The following CBFA2T3 variants were observed in gnomAD, a reference collection of about 807,000 sequenced individuals.
CBFA2T3 encodes CBFA2/RUNX1 partner transcriptional co-repressor 3, also known as transcriptional corepressor CBFA2T3.
Under a neutral mutation model 58.6 loss-of-function variants are expected in CBFA2T3, and 31 were observed. The ratio of observed to expected loss-of-function variants is 0.53; its 90% CI spans 0.40 to 0.71. CBFA2T3 has a LOEUF of 0.71. Ranked by LOEUF, CBFA2T3 falls within the 30% of genes least tolerant of loss-of-function variation. The probability of loss-of-function intolerance (pLI) is 0.00; values close to 1 mark genes in which losing one functional copy is unlikely to be tolerated. For synonymous variants in CBFA2T3, 531 were observed against 421.9 expected, an observed-to-expected ratio of 1.26 and a Z score of -3.17; for missense variants, 1,076 against 963.1, an observed-to-expected ratio of 1.12 and a Z score of -1.55.
intron 1 of CBFA2T3, among the ~76,000 whole-genome samples, chr16:88,905,133 G>T (rs1285565585): frequency 6.6e-6 from 1 of 152,126 alleles, no homozygotes; most frequent in Non-Finnish European, 1.5e-5. Context: ...GGAAGGAGGG[G>T]GGTGGGGGAG....
chr16:88,879,251 CGTGGCCGG>C lies in CBFA2T3; in HGVS notation c.1662+11_1662+18del. The C allele has an allele frequency of 1.9e-6, 3 of 1,573,656 alleles. No individual in the cohort carries two copies. Among genetic ancestry groups the C allele is most frequent in the Non-Finnish European group, 2.6e-6 (3 of 1,157,826 alleles). ...AGCCGAGGCAGGGGATGGGTGTCAG[CGTGGCCGG>C]GTGGCCCTACCTCGCTGGAGTCCTC... On this transcript the variant is annotated intron_variant, in intron 11 of 11. Coordinates refer to ENST00000268679, the MANE Select transcript of CBFA2T3 (RefSeq NM_005187.6).
At chr16:88,941,283 G>A (rs1267478742) in intron 1 of CBFA2T3, 17 of 580,626 alleles carry the variant, frequency 2.9e-5, no homozygotes, top group Non-Finnish European at 3.5e-5. Context: ...TCCGGCCTCC[G>A]CGGCCCGCGC....
intron 5 of CBFA2T3, among the ~76,000 whole-genome samples, chr16:88,891,419 G>C (rs573171774): frequency 6.6e-6 from 1 of 152,212 alleles, no homozygotes; most frequent in East Asian, 1.9e-4. Flanking sequence ...AGATTTGAGA[G>C]TGGCTGTGGA....
At chr16:88,906,855 A>G (rs1970355919) in intron 1 of CBFA2T3, among the ~76,000 whole-genome samples, 2 of 152,174 alleles carry the variant, frequency 1.3e-5, no homozygotes. Flanking sequence ...GCCAGCCTGG[A>G]CCCTGACTCA....
chr16:88,897,477 G>A (rs1216382948), intron 3 of CBFA2T3, among the ~76,000 whole-genome samples: 1 of 152,232 alleles, frequency 6.6e-6, no homozygotes, highest in Admixed American at 6.5e-5. Context: ...CATGCTCCCT[G>A]AACGCCCGCC....
intron 1 of CBFA2T3, among the ~76,000 whole-genome samples, chr16:88,965,920 C>G (rs1416253673): frequency 6.6e-6 from 1 of 152,236 alleles, no homozygotes; most frequent in Non-Finnish European, 1.5e-5. Context: ...TGCTTGGCAC[C>G]TGACAGGTCC....
In CBFA2T3 at chr16:88,975,185, T is replaced by TGCTCCTCACCTGC. The variant is rs1482557315; in HGVS notation, c.151+1471_151+1472insGCAGGTGAGGAGC. ...CCTGACCCTCTCTGCTCCACATCTT[T>TGCTCCTCACCTGC]AGCCATGTCAGAGGTCCACCCTGAC... On this transcript the variant is annotated intron_variant, in intron 1 of 11. Transcript: ENST00000268679. Among the ~76,000 whole-genome samples, 541 of 68,576 alleles carry TGCTCCTCACCTGC rather than the reference T, an allele frequency of 7.9e-3. 4 individuals carry two copies. The highest frequency in any genetic ancestry group is 0.017 in the South Asian group (44 of 2,524). 45.0% of individuals were successfully genotyped at this position (68,576 alleles called of 152,430 possible).
chr16:88,961,648 A>C (rs111782115), intron 1 of CBFA2T3, among the ~76,000 whole-genome samples: 8 of 76,106 alleles, frequency 1.1e-4, no homozygotes, highest in East Asian at 3.2e-4. Flanking sequence ...AGTAACCGAC[A>C]CTCAGCGCTG....
intron 1 of CBFA2T3, among the ~76,000 whole-genome samples, chr16:88,973,567 C>T (rs931601737): frequency 2.6e-5 from 4 of 152,270 alleles, no homozygotes; most frequent in South Asian, 2.1e-4. Context: ...GACCCAGAAC[C>T]TTCCAATGCA....
chr16:88,932,052 ACACT>A (rs1056635195), intron 1 of CBFA2T3, among the ~76,000 whole-genome samples: 3 of 152,022 alleles, frequency 2.0e-5, no homozygotes, highest in African/African-American at 4.8e-5. Context: ...ACACCATCAC[ACACT>A]CAGACTTTAC....
At chr16:88,975,466 C>T (rs961996058) in intron 1 of CBFA2T3, among the ~76,000 whole-genome samples, 2 of 152,252 alleles carry the variant, frequency 1.3e-5, no homozygotes, top group Non-Finnish European at 2.9e-5. Flanking sequence ...TCGGAAGGGT[C>T]TGAACCATGA....
chr16:88,967,110 A>G (rs898243767), intron 1 of CBFA2T3, among the ~76,000 whole-genome samples: 3 of 126,272 alleles, frequency 2.4e-5, no homozygotes, highest in Admixed American at 1.7e-4. Flanking sequence ...GCCACCCCCA[A>G]CCCCCAACCC....
In CBFA2T3 at chr16:88,885,597, G is replaced by A. The variant is rs1597666385; in HGVS notation, c.894-328C>T. 3 of 406,644 alleles carry A rather than the reference G, an allele frequency of 7.4e-6. No individual in the cohort carries two copies. The highest frequency in any genetic ancestry group is 4.1e-5 in the African/African-American group (2 of 48,552). 25.2% of individuals were successfully genotyped at this position (406,644 alleles called of 1,614,324 possible). A position where few individuals can be genotyped will look rare whatever the true frequency, so the allele number is the denominator to read the frequency against. Reference sequence around the variant, plus strand: ...CGTAACTGGAGACCACCTGCCCCTTGGGCAGCAGCAGCACAAGAGCGTCTG... The same window carrying A: ...CGTAACTGGAGACCACCTGCCCCTTAGGCAGCAGCAGCACAAGAGCGTCTG... On this transcript the variant is annotated intron_variant, in intron 6 of 11. Coordinates refer to ENST00000268679, the MANE Select transcript of CBFA2T3 (RefSeq NM_005187.6). This position sits in a 1 kb window ranked among gnomAD's most constrained non-coding sequence, Gnocchi z 5.3.
intron 1 of CBFA2T3, among the ~76,000 whole-genome samples, chr16:88,947,263 T>A (rs1971927677): frequency 6.6e-6 from 1 of 152,192 alleles, no homozygotes; most frequent in Non-Finnish European, 1.5e-5. Context: ...AAGAATAAAA[T>A]CTATTAACTT....
At chr16:88,909,634 A>G (rs1436497267) in intron 1 of CBFA2T3, among the ~76,000 whole-genome samples, 1 of 152,224 alleles carries the variant, frequency 6.6e-6, no homozygotes, top group Admixed American at 6.5e-5. Flanking sequence ...TTCCTTCAGA[A>G]TCACACGGTC....
chr16:88,891,775 A>ACCTGC, intron 5 of CBFA2T3, 107 bp downstream of exon 5: 2 of 758,042 alleles, frequency 2.6e-6, no homozygotes, highest in South Asian at 3.2e-5. Flanking sequence ...CTATCTGGCC[A>ACCTGC]CTTAAGCCCC....
chr16:88,904,717 C>A (rs1398424973), intron 1 of CBFA2T3, among the ~76,000 whole-genome samples: 2 of 151,150 alleles, frequency 1.3e-5, no homozygotes, highest in South Asian at 4.1e-4. Flanking sequence ...TTTCCGGGCC[C>A]CACCCCGGAT....
At chr16:88,939,096 A>C (rs563386859) in intron 1 of CBFA2T3, 1 of 152,362 alleles carries the variant, frequency 6.6e-6, no homozygotes, top group Non-Finnish European at 1.5e-5. Context: ...AATTTCTTCC[A>C]GTCATGCAGA....
chr16:88,949,105 T>C (rs749780655), intron 1 of CBFA2T3, among the ~76,000 whole-genome samples: 7 of 152,204 alleles, frequency 4.6e-5, no homozygotes, highest in Non-Finnish European at 8.8e-5. Context: ...ACTGGAACAG[T>C]GAAAGGATTA....
Sources: allele counts gnomAD v4.1 joint callset (sites outside exome capture counted in the v4.1 genomes callset), GRCh38; gene constraint gnomAD v4.1.1; non-coding constraint Gnocchi (gnomAD v3.1); transcripts MANE v1.5; gene names NCBI Gene and HGNC (gene_info 2026-07-23, HGNC 2026-07-21).